The following CHL1 variants were observed in gnomAD, a reference collection of about 807,000 sequenced individuals.
The protein encoded by CHL1 is neural cell adhesion molecule L1-like protein.
Under a neutral mutation model 141.9 loss-of-function variants are expected in CHL1, and 96 were observed. The observed-to-expected ratio is 0.68, with a 90% CI of 0.57 to 0.80. The LOEUF is 0.80. CHL1 is among the 30% of genes least tolerant of loss of function. The pLI, the probability that CHL1 is intolerant of heterozygous loss-of-function variation, is 0.00. For synonymous variants in CHL1, 613 were observed against 502.2 expected (o/e 1.22, Z -2.95); for missense variants, 1,820 against 1,457.2 (o/e 1.25, Z -4.05).
At chr3:317,629 A>T (rs193184983) in intron 2 of CHL1, among the ~76,000 whole-genome samples, 1 of 151,082 alleles carries the variant, frequency 6.6e-6, no homozygotes, top group Admixed American at 6.6e-5. Flanking sequence ...CAATGACTTT[A>T]GATGACTATT....
intron 1 of CHL1, among the ~76,000 whole-genome samples, chr3:240,353 T>C (rs952036515): frequency 6.6e-6 from 1 of 152,214 alleles, no homozygotes; most frequent in Non-Finnish European, 1.5e-5. Flanking sequence ...ATTAGTGATG[T>C]TGAGCATTTT....
At chr3:394,315 T>C (rs1166502264) in intron 23 of CHL1, among the ~76,000 whole-genome samples, 3 of 152,174 alleles carry the variant, frequency 2.0e-5, no homozygotes, top group Non-Finnish European at 4.4e-5. Context: ...AAGTCAAAGA[T>C]ACAATGAAAA....
At chr3:316,752 GTACCCTATAAATACTAGA>G (rs1700181416) in intron 2 of CHL1, among the ~76,000 whole-genome samples, 1 of 151,504 alleles carries the variant, frequency 6.6e-6, no homozygotes, top group African/African-American at 2.4e-5. Context: ...AACATCTCAT[GTACCCTATAAATACTAGA>G]TACTCATAGA....
intron 2 of CHL1, among the ~76,000 whole-genome samples, chr3:291,455 TC>T (rs1697689554): frequency 1.4e-5 from 2 of 144,732 alleles, no homozygotes; most frequent in East Asian, 2.4e-4. Flanking sequence ...CTTTTCTTTT[TC>T]TTTTTCTTTT....
chr3:407,602 A>C lies in CHL1; in HGVS notation c.*1891A>C, dbSNP rs1390408298. ...GTTCCAGTTTTCTGGAGGGACAGTC[A>C]TCATGTTTTGATTTATCTGGGAGAA... On this transcript the variant is annotated 3_prime_UTR_variant, in exon 28 of 28. Coordinates refer to ENST00000256509, the MANE Select transcript of CHL1 (RefSeq NM_006614.4). 1.3e-5 allele frequency: 2 copies of C among 152,064 alleles called. No homozygotes were observed. Among genetic ancestry groups the C allele is most frequent in the African/African-American group, 4.8e-5 (2 of 41,410 alleles). 9.4% of individuals were successfully genotyped at this position (152,064 alleles called of 1,614,324 possible).
intron 2 of CHL1, among the ~76,000 whole-genome samples, chr3:310,761 T>C (rs867137723): frequency 9.8e-5 from 15 of 152,324 alleles, no homozygotes; most frequent in South Asian, 2.1e-4. Context: ...ATCTATAGTT[T>C]ACATTCGGGT....
chr3:400,525 T>A (rs1379371744), intron 26 of CHL1, among the ~76,000 whole-genome samples: 1 of 149,826 alleles, frequency 6.7e-6, no homozygotes, highest in Admixed American at 6.7e-5. Context: ...ACTAAGAGAA[T>A]CTACTAGGTC....
chr3:405,761 T>C lies in CHL1; in HGVS notation c.*50T>C, dbSNP rs1261403537. ...CTGGTTCACCCCAACCTTCCATATT[T>C]ATCTGTTCAAAGGAGCAAGAACTTT... On this transcript the variant is annotated 3_prime_UTR_variant, in exon 28 of 28. Transcript: ENST00000256509. 2.1e-6 allele frequency: 3 copies of C among 1,415,718 alleles called. No individual in the cohort carries two copies. Among genetic ancestry groups the C allele is most frequent in the African/African-American group, 2.8e-5 (2 of 70,650 alleles). The allele number at this position is 1,415,718 out of a possible 1,614,324, so 87.7% of individuals were successfully genotyped here.
intron 1 of CHL1, among the ~76,000 whole-genome samples, chr3:228,557 T>TA (rs1362421243): frequency 6.6e-6 from 1 of 152,194 alleles, no homozygotes; most frequent in Non-Finnish European, 1.5e-5. Context: ...CATCTCTATT[T>TA]ATTTTCTTCT....
chr3:232,507 T>C (rs1382241351), intron 1 of CHL1, among the ~76,000 whole-genome samples: 1 of 152,200 alleles, frequency 6.6e-6, no homozygotes, highest in Middle Eastern at 3.2e-3. Flanking sequence ...GTAACAGTTT[T>C]AGGTTTTTTA....
chr3:215,705 C>T (rs894541819), intron 1 of CHL1, among the ~76,000 whole-genome samples: 5 of 152,040 alleles, frequency 3.3e-5, no homozygotes, highest in African/African-American at 1.2e-4. Context: ...CATGGGTTTG[C>T]TCTTTTTTTT....
intron 2 of CHL1, among the ~76,000 whole-genome samples, chr3:257,446 C>T (rs1218514069): frequency 4.0e-5 from 6 of 151,754 alleles, no homozygotes; most frequent in South Asian, 2.1e-4. Flanking sequence ...CTCCGCCTCC[C>T]GGGTTCAAGC....
chr3:323,679 G>C (rs1384398327), intron 3 of CHL1, among the ~76,000 whole-genome samples: 1 of 152,092 alleles, frequency 6.6e-6, no homozygotes, highest in East Asian at 1.9e-4. Context: ...TATTTCAACA[G>C]ATGAAATGCA....
intron 1 of CHL1, among the ~76,000 whole-genome samples, chr3:227,669 C>A (rs1176539619): frequency 1.3e-5 from 2 of 152,196 alleles, no homozygotes; most frequent in African/African-American, 4.8e-5. Context: ...TTCTTTATTA[C>A]CAGTAGCTCT....
At chr3:366,455 A>G (rs1704896231) in intron 15 of CHL1, among the ~76,000 whole-genome samples, 1 of 138,334 alleles carries the variant, frequency 7.2e-6, no homozygotes, top group African/African-American at 2.6e-5. Flanking sequence ...TGGGGGACAG[A>G]GAGAGACTCT....
chr3:274,457 A>G (rs527641895), intron 2 of CHL1, among the ~76,000 whole-genome samples: 9 of 152,378 alleles, frequency 5.9e-5, no homozygotes, highest in Admixed American at 3.9e-4. Context: ...GTCTTTAAAC[A>G]GCAGAATACA....
In CHL1 at chr3:407,778, A is replaced by T. The variant is rs369213363; in HGVS notation, c.*2067A>T. 65 of 152,280 alleles carry T rather than the reference A, an allele frequency of 4.3e-4. No homozygotes were observed. Among genetic ancestry groups the T allele is most frequent in the African/African-American group, 1.4e-3 (60 of 41,574 alleles). 9.4% of individuals were successfully genotyped at this position (152,280 alleles called of 1,614,324 possible). A position where few individuals can be genotyped will look rare whatever the true frequency, so the allele number is the denominator to read the frequency against. ...GAAATAATGTCAAAAATATTTAGGA[A>T]TTTAATAACCTTTAAGTCAGAAACT... On this transcript the variant is annotated 3_prime_UTR_variant, in exon 28 of 28. Transcript: ENST00000256509.
chr3:328,397 G>A (rs1701174847), intron 5 of CHL1, 43 bp downstream of exon 5: 1 of 1,510,112 alleles, frequency 6.6e-7, no homozygotes, highest in Admixed American at 1.9e-5. Flanking sequence ...GTGTTTTAGT[G>A]AAGTGTTAAA....
chr3:299,826 A>G (rs1225964608), intron 2 of CHL1, among the ~76,000 whole-genome samples: 1 of 152,118 alleles, frequency 6.6e-6, no homozygotes, highest in Non-Finnish European at 1.5e-5. Context: ...CTCTGCGAAC[A>G]CCCACAGGAA....
Sources: allele counts gnomAD v4.1 joint callset (sites outside exome capture counted in the v4.1 genomes callset), GRCh38; gene constraint gnomAD v4.1.1; transcripts MANE v1.5; gene names NCBI Gene and HGNC (gene_info 2026-07-23, HGNC 2026-07-21).